Variants in CCDC178 observed in about 807,000 individuals in gnomAD.
The protein encoded by CCDC178 is coiled-coil domain-containing protein 178.
A neutral mutation model predicts 117.4 loss-of-function variants in CCDC178; 126 were observed. The ratio of observed to expected loss-of-function variants is 1.07; its 90% confidence interval spans 0.93 to 1.24. The LOEUF (loss-of-function observed/expected upper bound fraction) is 1.24. Ranked by LOEUF, CCDC178 falls within the 50% of genes most tolerant of loss-of-function variation. The pLI is 0.00. For synonymous variants in CCDC178, 283 were observed against 313.4 expected, an observed-to-expected ratio of 0.90 and a Z score of 1.02; for missense variants, 1,030 against 986.9, an observed-to-expected ratio of 1.04 and a Z score of -0.59.
chr18:33,174,290 G>GC (rs2058638356), intron 20 of CCDC178, among the ~76,000 whole-genome samples: 1 of 152,138 alleles, frequency 6.6e-6, no homozygotes, highest in Non-Finnish European at 1.5e-5. Context: ...CTCCCATCAA[G>GC]CCCCACCTTC....
At chr18:33,332,574 G>A (rs558832363) in intron 10 of CCDC178, among the ~76,000 whole-genome samples, 41 of 151,850 alleles carry the variant, frequency 2.7e-4, no homozygotes, top group Non-Finnish European at 5.2e-4. Context: ...TGAAGTTCTT[G>A]TTTTGTTTTG....
At chr18:33,053,819 G>A (rs80250461) in intron 21 of CCDC178, among the ~76,000 whole-genome samples, 13,864 of 152,140 alleles carry the variant, frequency 0.091, 880 homozygotes, top group African/African-American at 0.18. Context: ...GTTTTAAAAT[G>A]TATCTGGGTA....
At chr18:33,144,444 C>G (rs573806357) in intron 20 of CCDC178, among the ~76,000 whole-genome samples, 1 of 151,950 alleles carries the variant, frequency 6.6e-6, no homozygotes, top group African/African-American at 2.4e-5. Context: ...AAGTTCTTTA[C>G]AAATTATAAA....
At chr18:33,163,037 A>C (rs990066122) in intron 20 of CCDC178, among the ~76,000 whole-genome samples, 4 of 152,228 alleles carry the variant, frequency 2.6e-5, no homozygotes, top group Middle Eastern at 3.4e-3. Context: ...GAACTAATTT[A>C]CACTCCCACC....
At chr18:33,357,689 A>C (rs1188976978) in intron 6 of CCDC178, among the ~76,000 whole-genome samples, 1 of 152,114 alleles carries the variant, frequency 6.6e-6, no homozygotes, top group Non-Finnish European at 1.5e-5. Flanking sequence ...AAATTATCAA[A>C]AATGCAAAAC....
intron 20 of CCDC178, among the ~76,000 whole-genome samples, chr18:33,114,440 G>T (rs372743530): frequency 6.6e-6 from 1 of 151,844 alleles, no homozygotes; most frequent in Non-Finnish European, 1.5e-5. Flanking sequence ...ACTGCAATGG[G>T]GATTGGACTT....
chr18:33,005,138 C>G (rs2055721596), intron 21 of CCDC178, among the ~76,000 whole-genome samples: 1 of 152,030 alleles, frequency 6.6e-6, no homozygotes, highest in East Asian at 1.9e-4. Context: ...GAAAGAAAGT[C>G]AGTATATTGA....
intron 4 of CCDC178, among the ~76,000 whole-genome samples, chr18:33,391,570 C>T (rs913758627): frequency 3.3e-5 from 5 of 152,024 alleles, no homozygotes; most frequent in Admixed American, 3.3e-4. Flanking sequence ...AAACTAGCTG[C>T]ACTATATAAC....
intron 11 of CCDC178, among the ~76,000 whole-genome samples, chr18:33,299,152 C>G (rs929079177): frequency 6.6e-6 from 1 of 151,980 alleles, no homozygotes; most frequent in Non-Finnish European, 1.5e-5. Flanking sequence ...CCCCAAAGAG[C>G]TAAAGCAATT....
intron 11 of CCDC178, among the ~76,000 whole-genome samples, chr18:33,304,542 G>A (rs1196198751): frequency 6.6e-6 from 1 of 152,172 alleles, no homozygotes; most frequent in East Asian, 1.9e-4. Flanking sequence ...TGAGTATAGT[G>A]CACATTCAAG....
chr18:33,229,303 T>C (rs2059344554), intron 15 of CCDC178, among the ~76,000 whole-genome samples: 1 of 151,906 alleles, frequency 6.6e-6, no homozygotes, highest in Non-Finnish European at 1.5e-5. Context: ...AAATGTGAGC[T>C]ACCCCAGGAA....
intron 21 of CCDC178, among the ~76,000 whole-genome samples, chr18:33,040,909 G>A (rs1469627739): frequency 1.3e-5 from 2 of 151,918 alleles, no homozygotes; most frequent in Non-Finnish European, 2.9e-5. Context: ...TCGAGTATAT[G>A]CAATTGTAGG....
At chr18:33,327,314 CATTG>C (rs2062597905) in intron 10 of CCDC178, among the ~76,000 whole-genome samples, 1 of 152,022 alleles carries the variant, frequency 6.6e-6, no homozygotes, top group African/African-American at 2.4e-5. Context: ...TATTTCATTC[CATTG>C]ATATATTGCA....
rs1450435917 is a variant in CCDC178, at chr18:33,266,908, A to G, written c.1409+8T>C. 2 of 1,550,518 alleles carry G rather than the reference A, an allele frequency of 1.3e-6. No homozygotes were observed. The highest frequency in any genetic ancestry group is 4.1e-5 in the Admixed American group (2 of 48,580). On this transcript the variant is annotated splice_region_variant and intron_variant, in intron 14 of 22. Coordinates refer to ENST00000383096, the MANE Select transcript of CCDC178 (RefSeq NM_001105528.4). ...GGTATATAAGAAGAAAAGTATTTGCAAATTTACCTTTCATTGGTTTTTACT... is the reference window on the plus strand; with the variant it reads ...GGTATATAAGAAGAAAAGTATTTGCGAATTTACCTTTCATTGGTTTTTACT...
intron 2 of CCDC178, among the ~76,000 whole-genome samples, chr18:33,433,772 A>G (rs920367358): frequency 6.9e-6 from 1 of 145,716 alleles, no homozygotes; most frequent in African/African-American, 2.5e-5. Context: ...TGACTGACCA[A>G]TAATTCAATA....
intron 11 of CCDC178, among the ~76,000 whole-genome samples, chr18:33,316,097 G>T (rs577243945): frequency 1.9e-3 from 282 of 152,232 alleles, no homozygotes; most frequent in African/African-American, 6.6e-3. Flanking sequence ...TGCTCTCAGC[G>T]CCTCCTCAGC....
At chr18:33,185,622 G>T (rs2144497086) in intron 20 of CCDC178, among the ~76,000 whole-genome samples, 1 of 152,080 alleles carries the variant, frequency 6.6e-6, no homozygotes, top group East Asian at 1.9e-4. Flanking sequence ...TACACAAGGA[G>T]ATCGCAGTAA....
chr18:33,189,034 A>G (rs1201044774), intron 20 of CCDC178, among the ~76,000 whole-genome samples: 1 of 152,168 alleles, frequency 6.6e-6, no homozygotes, highest in East Asian at 1.9e-4. Flanking sequence ...ACTAGCCTGG[A>G]TGATTGATTA....
At chr18:33,074,098 C>T (rs530338319) in intron 21 of CCDC178, among the ~76,000 whole-genome samples, 2 of 152,004 alleles carry the variant, frequency 1.3e-5, no homozygotes, top group South Asian at 2.1e-4. Flanking sequence ...ATTATGCAGT[C>T]GGGGAGGCCA....
Sources: allele counts gnomAD v4.1 joint callset (sites outside exome capture counted in the v4.1 genomes callset), GRCh38; gene constraint gnomAD v4.1.1; transcripts MANE v1.5; gene names NCBI Gene and HGNC (gene_info 2026-07-23, HGNC 2026-07-21).